CSF1: variants seen among roughly 807,000 people sequenced by gnomAD.
The protein encoded by CSF1 is colony stimulating factor 1, also known as macrophage colony-stimulating factor 1.
Under a neutral mutation model 48.9 loss-of-function variants are expected in CSF1, and 9 were observed. That is an observed-to-expected ratio of 0.18 (90% CI 0.11 to 0.32). CSF1 has a LOEUF of 0.32. CSF1 is among the 10% of genes least tolerant of loss of function. CSF1 has a pLI of 1.00. For missense variants in CSF1, 672 were observed against 697.9 expected (o/e 0.96, Z 0.42); for synonymous variants, 305 against 284.1 (o/e 1.07, Z -0.74).
chr1:109,924,891 C>A, intron 7 of CSF1, 63 bp downstream of exon 7: 2 of 1,512,568 alleles, frequency 1.3e-6, no homozygotes, highest in Non-Finnish European at 1.8e-6. Context: ...TGTTTCCCCT[C>A]TTCGTGGTGG....
chr1:109,914,843 C>T (rs370437341), intron 2 of CSF1, among the ~76,000 whole-genome samples: 2 of 152,274 alleles, frequency 1.3e-5, no homozygotes, highest in African/African-American at 4.8e-5. Flanking sequence ...GCTTGCCTAA[C>T]TCCCAGCCTT....
intron 4 of CSF1, among the ~76,000 whole-genome samples, chr1:109,920,895 C>G (rs763905704): frequency 6.6e-6 from 1 of 152,094 alleles, no homozygotes; most frequent in East Asian, 1.9e-4. Flanking sequence ...GGTAAGGAGA[C>G]AGAAAGAGCA....
chr1:109,924,140 C>G lies in CSF1; in HGVS notation c.1519C>G (p.Leu507Val). Residue 507 changes from leucine (L) to valine (V), a missense_variant, in exon 6 of 9, where the codon CTG (leucine) becomes GTG (valine). Physicochemically the swap from Leu to Val is conservative, Grantham distance 32. Around this residue, in one of 3 missense-constraint regions of CSF1, gnomAD observed 591 missense variants for 593.6 expected, o/e 1.00. Coordinates refer to ENST00000329608, the MANE Select transcript of CSF1 (RefSeq NM_000757.6). ...VFHLLVPSVI[L>V]VLLAVGGLLF... ...CCACCTGCTGGTGCCCAGTGTCATC[C>G]TGGTCTTGCTGGCCGTCGGAGGCCT... 6.2e-7 allele frequency: 1 copy of G among 1,613,848 alleles called. No homozygotes were observed. The highest frequency in any genetic ancestry group is 8.5e-7 in the Non-Finnish European group (1 of 1,179,882).
chr1:109,913,284 G>A (rs1223776630), intron 1 of CSF1, among the ~76,000 whole-genome samples: 6 of 152,200 alleles, frequency 3.9e-5, no homozygotes, highest in Non-Finnish European at 8.8e-5. Context: ...TGAATCTGGG[G>A]GCATCAGCCG....
At chr1:109,923,086 C>T (rs1025692762) in intron 5 of CSF1, 80 bp from the exon 6 acceptor site, 2 of 1,389,590 alleles carry the variant, frequency 1.4e-6, no homozygotes, top group Non-Finnish European at 1.9e-6. Context: ...TCTTGCCCCG[C>T]TCTGGGAAAG....
Position 109,924,019 on chromosome 1 carries a change from G to A in CSF1, c.1398G>A (p.Arg466=), listed in dbSNP as rs1311236238. The change falls in exon 6 of 9, where the codon AGG becomes AGA. Residue 466 remains arginine, a synonymous_variant. Coordinates refer to ENST00000329608, the MANE Select transcript of CSF1 (RefSeq NM_000757.6). ...EGGPASEGAA[R]PLPRFNSVPL... Reference sequence around the variant, plus strand: ...GACCAGCAAGTGAAGGGGCAGCCAGGCCCCTGCCCCGTTTTAACTCCGTTC... The same window carrying A: ...GACCAGCAAGTGAAGGGGCAGCCAGACCCCTGCCCCGTTTTAACTCCGTTC... 1 of 1,614,170 alleles carries A rather than the reference G, an allele frequency of 6.2e-7. No individual in the cohort carries two copies. The highest frequency in any genetic ancestry group is 1.1e-5 in the South Asian group (1 of 91,080).
chr1:109,922,450 C>T, intron 5 of CSF1: 1 of 157,822 alleles, frequency 6.3e-6, no homozygotes, highest in Non-Finnish European at 1.4e-5. Context: ...TCCAGAAGTC[C>T]CCAGGATGCC....
intron 4 of CSF1, among the ~76,000 whole-genome samples, chr1:109,919,738 C>T (rs1231449186): frequency 6.6e-6 from 1 of 151,986 alleles, no homozygotes; most frequent in African/African-American, 2.4e-5. Flanking sequence ...GACAGTGGAT[C>T]ACCTGAGGTC....
chr1:109,922,027 G>T, intron 5 of CSF1, 33 bp downstream of exon 5: 1 of 1,557,190 alleles, frequency 6.4e-7, no homozygotes, highest in Non-Finnish European at 8.7e-7. Context: ...AGTGTGTGGG[G>T]GTGGTAGCAT....
chr1:109,913,065 G>A (rs561476065), intron 1 of CSF1, among the ~76,000 whole-genome samples: 16 of 152,364 alleles, frequency 1.1e-4, no homozygotes, highest in South Asian at 4.1e-4. Flanking sequence ...CCCAGCCAGA[G>A]CTGCCTTCTC....
chr1:109,919,162 A>T (rs1259670021), intron 4 of CSF1, among the ~76,000 whole-genome samples: 1 of 152,180 alleles, frequency 6.6e-6, no homozygotes, highest in Non-Finnish European at 1.5e-5. Context: ...CTGTGGAAGA[A>T]CTTGGATCCG....
intron 4 of CSF1, 87 bp downstream of exon 4, chr1:109,917,550 C>A: frequency 3.1e-6 from 4 of 1,302,212 alleles, no homozygotes; most frequent in South Asian, 1.3e-5. Flanking sequence ...AGAGTACATT[C>A]GCTCACCTCG....
chr1:109,918,639 T>C (rs571676518), intron 4 of CSF1, among the ~76,000 whole-genome samples: 2 of 152,100 alleles, frequency 1.3e-5, no homozygotes, highest in Non-Finnish European at 2.9e-5. Flanking sequence ...CCAAGGATGG[T>C]TTTTGTCTTG....
rs542431175 is a variant in CSF1, at chr1:109,922,992, T to A, written c.545-174T>A. Among the ~76,000 whole-genome samples the A allele has an allele frequency of 1.9e-4, 29 of 152,214 alleles. No individual in the cohort carries two copies. In the South Asian group the frequency reaches 6.0e-3, roughly 32 times the overall value. On this transcript the variant is annotated intron_variant, in intron 5 of 8. Transcript: ENST00000329608. ...CCCTGCATACGGCACCTTCCCTGTG[T>A]CATGAGCACCCACTCTAGTCCCATC...
chr1:109,915,657 G>A lies in CSF1; in HGVS notation c.186G>A (p.Ser62=), dbSNP rs779855004. The A allele has an allele frequency of 8.1e-6, 13 of 1,613,874 alleles. No homozygotes were observed. Among genetic ancestry groups the A allele is most frequent in the Admixed American group, 5.0e-5 (3 of 60,002 alleles). ...AGATTGACAGTCAGATGGAGACCTC[G>A]TGCCAAATTACATTTGAGTTTGTAG... is the stretch of plus-strand genomic sequence containing the variant. ...QRLIDSQMET[S]CQITFEFVDQ... is the part of the protein sequence containing the mutation. Residue 62 remains serine (S), a synonymous_variant, in exon 3 of 9, where the codon TCG becomes TCA. Coordinates refer to ENST00000329608, the MANE Select transcript of CSF1 (RefSeq NM_000757.6).
intron 6 of CSF1, among the ~76,000 whole-genome samples, chr1:109,924,437 C>G (rs1570801851): frequency 6.6e-6 from 1 of 152,102 alleles, no homozygotes; most frequent in African/African-American, 2.4e-5. Context: ...TATTCATGGG[C>G]TGACAGCAGG....
chr1:109,921,407 T>TCC, intron 4 of CSF1, among the ~76,000 whole-genome samples: 1 of 152,256 alleles, frequency 6.6e-6, no homozygotes, highest in East Asian at 1.9e-4. Flanking sequence ...TCTTTCCTGG[T>TCC]TTCTCTTGCT....
intron 5 of CSF1, 63 bp downstream of exon 5, chr1:109,922,057 G>A: frequency 6.6e-7 from 1 of 1,513,736 alleles, no homozygotes; most frequent in East Asian, 2.3e-5. Context: ...GGATTGGGAG[G>A]TGAGATGTGA....
At chr1:109,921,145 T>C (rs1447020667) in intron 4 of CSF1, among the ~76,000 whole-genome samples, 1 of 152,188 alleles carries the variant, frequency 6.6e-6, no homozygotes, top group Non-Finnish European at 1.5e-5. Context: ...TGCCCACCCC[T>C]AACACCCCTT....
Sources: allele counts gnomAD v4.1 joint callset (sites outside exome capture counted in the v4.1 genomes callset), GRCh38; gene constraint gnomAD v4.1.1; regional missense constraint gnomAD v4.1.1; transcripts MANE v1.5; gene names NCBI Gene and HGNC (gene_info 2026-07-23, HGNC 2026-07-21).